LOC400499: variants seen among roughly 807,000 people sequenced by gnomAD.
chr16:11,516,837 G>C, the LOC400499 span, among the ~76,000 whole-genome samples: 5 of 152,052 alleles, frequency 3.3e-5, no homozygotes, highest in Non-Finnish European at 5.9e-5. Context: ...TGTAGAGATA[G>C]ATTCCCGCTA....
the LOC400499 span, chr16:11,401,180 T>C: frequency 2.5e-6 from 1 of 398,674 alleles, no homozygotes; most frequent in East Asian, 3.6e-5. Context: ...CTCCTTCTCC[T>C]ACCAGAGGTG....
At chr16:11,463,722 GATAT>G in the LOC400499 span, among the ~76,000 whole-genome samples, 2 of 151,986 alleles carry the variant, frequency 1.3e-5, no homozygotes, top group Admixed American at 6.6e-5. Context: ...TGTGTGTGTG[GATAT>G]ATGTACAGAT....
At chr16:11,496,184 A>AT in the LOC400499 span, among the ~76,000 whole-genome samples, 2 of 151,340 alleles carry the variant, frequency 1.3e-5, no homozygotes, top group Non-Finnish European at 1.5e-5. Context: ...CTCCTGCCTC[A>AT]TCTTCCTGAG....
the LOC400499 span, chr16:11,404,745 G>C: frequency 5.0e-6 from 2 of 399,088 alleles, no homozygotes; most frequent in Non-Finnish European, 8.8e-6. Flanking sequence ...GAAAGGCCCA[G>C]AAAGGCTCCC....
At chr16:11,387,010 G>A in the LOC400499 span, 12 of 929,604 alleles carry the variant, frequency 1.3e-5, no homozygotes, top group Non-Finnish European at 1.7e-5. Context: ...GTAAGCTCTG[G>A]GCCTGGCACT....
At chr16:11,421,110 C>A in the LOC400499 span, among the ~76,000 whole-genome samples, 1 of 152,196 alleles carries the variant, frequency 6.6e-6, no homozygotes, top group Non-Finnish European at 1.5e-5. Context: ...GTGCCAAGGT[C>A]AGACGGGCCC....
chr16:11,456,926 C>T, the LOC400499 span: 4 of 1,536,178 alleles, frequency 2.6e-6, no homozygotes, highest in Admixed American at 3.9e-5. Context: ...ACAGCGGCCG[C>T]CCATTGTACT....
chr16:11,446,109 G>C, the LOC400499 span, among the ~76,000 whole-genome samples: 1 of 151,914 alleles, frequency 6.6e-6, no homozygotes, highest in East Asian at 1.9e-4. Context: ...ACAGGTATGA[G>C]CCACCACACC....
chr16:11,478,183 A>G, the LOC400499 span, among the ~76,000 whole-genome samples: 5 of 148,774 alleles, frequency 3.4e-5, no homozygotes, highest in East Asian at 1.0e-3. Context: ...GCCTGCCACC[A>G]TGCCTGGCTA....
the LOC400499 span, among the ~76,000 whole-genome samples, chr16:11,410,932 G>A: frequency 6.6e-6 from 1 of 152,236 alleles, no homozygotes; most frequent in African/African-American, 2.4e-5. Flanking sequence ...TGTGTCATCT[G>A]CTCCAGCTTC....
chr16:11,448,102 G>A, the LOC400499 span: 1 of 1,527,836 alleles, frequency 6.5e-7, no homozygotes, highest in Non-Finnish European at 8.8e-7. Flanking sequence ...TGAAGAGAGG[G>A]ACGGGCCAGC....
At chr16:11,494,493 C>T in the LOC400499 span, 2 of 351,866 alleles carry the variant, frequency 5.7e-6, no homozygotes, top group Non-Finnish European at 1.0e-5. Flanking sequence ...CACCCCCACC[C>T]TCTCCACCTG....
the LOC400499 span, among the ~76,000 whole-genome samples, chr16:11,519,994 C>T: frequency 2.2e-3 from 330 of 152,216 alleles, 1 homozygote; most frequent in Middle Eastern, 0.024. Flanking sequence ...TGAGCCACCG[C>T]GCCCGGCCTA....
chr16:11,456,975 C>G, the LOC400499 span: 1 of 1,536,088 alleles, frequency 6.5e-7, no homozygotes, highest in Non-Finnish European at 8.7e-7. Flanking sequence ...ATAGGGCAGG[C>G]GGAGGCTCAA....
At chr16:11,524,727 G>A in the LOC400499 span, among the ~76,000 whole-genome samples, 1 of 151,752 alleles carries the variant, frequency 6.6e-6, no homozygotes. Flanking sequence ...TCCCTCCCTG[G>A]GAAGGCCAGC....
At chr16:11,471,844 C>T in the LOC400499 span, 1 of 399,204 alleles carries the variant, frequency 2.5e-6, no homozygotes. Context: ...GCAGGCAGCA[C>T]TGGTCAGTGG....
the LOC400499 span, chr16:11,393,568 G>A: frequency 8.1e-7 from 1 of 1,232,364 alleles, no homozygotes; most frequent in South Asian, 4.1e-5. Flanking sequence ...AGCTGGGAGG[G>A]GGAAGGCAGA....
At chr16:11,419,197 AT>A in the LOC400499 span, among the ~76,000 whole-genome samples, 37,088 of 148,870 alleles carry the variant, frequency 0.25, 4,806 homozygotes, top group Non-Finnish European at 0.29. Flanking sequence ...AACAAAAAAA[AT>A]ATACTACAAG....
chr16:11,497,619 G>C, the LOC400499 span, among the ~76,000 whole-genome samples: 1 of 152,206 alleles, frequency 6.6e-6, no homozygotes, highest in Non-Finnish European at 1.5e-5. Flanking sequence ...GGCTGGCAGA[G>C]AGCCCAGATC....
Sources: allele counts gnomAD v4.1 joint callset (sites outside exome capture counted in the v4.1 genomes callset), GRCh38; gene constraint gnomAD v4.1.1; transcripts MANE v1.5.